The following PLXDC2 variants were observed in gnomAD, a reference collection of about 807,000 sequenced individuals.
PLXDC2 encodes the protein plexin domain containing 2.
Under a neutral mutation model 68.9 loss-of-function variants are expected in PLXDC2, and 40 were observed. The ratio of observed to expected loss-of-function variants is 0.58; its 90% CI spans 0.45 to 0.76. The LOEUF is 0.76. Ranked by LOEUF, PLXDC2 falls within the 30% of genes least tolerant of loss-of-function variation. The probability of loss-of-function intolerance (pLI) is 0.00; values close to 1 mark genes in which losing one functional copy is unlikely to be tolerated. For missense variants in PLXDC2, 644 were observed against 661.9 expected (o/e 0.97, Z 0.30); for synonymous variants, 243 against 234.2 (o/e 1.04, Z -0.34).
Position 20,007,469 on chromosome 10 carries a change from T to C in PLXDC2, c.324+5483T>C, listed in dbSNP as rs370635039. On this transcript the variant is annotated intron_variant, in intron 2 of 13. Transcript: ENST00000377252. ...ATATTTGGAAGTGTCCTATTTCCAC[T>C]CTTGGGACATTGAAAGTGTTTATTA... Among the ~76,000 whole-genome samples the C allele has an allele frequency of 1.2e-3, 179 of 152,328 alleles. 1 individual carries two copies. The highest frequency in any genetic ancestry group is 4.2e-3 in the African/African-American group (176 of 41,580).
chr10:19,934,831 A>C (rs978420605), intron 1 of PLXDC2, among the ~76,000 whole-genome samples: 1 of 152,198 alleles, frequency 6.6e-6, no homozygotes, highest in Admixed American at 6.5e-5. Context: ...TAGGGTCTTC[A>C]TCAAGACCTG....
chr10:20,190,460 G>T (rs918597924), intron 9 of PLXDC2, among the ~76,000 whole-genome samples: 1 of 151,876 alleles, frequency 6.6e-6, no homozygotes, highest in African/African-American at 2.4e-5. Context: ...CTCACAGTTG[G>T]TGGGGAGGGA....
At chr10:19,867,064 CT>C (rs61651939) in intron 1 of PLXDC2, among the ~76,000 whole-genome samples, 10,152 of 124,654 alleles carry the variant, frequency 0.081, 465 homozygotes, top group East Asian at 0.28. Context: ...TCCTTTCCCT[CT>C]TTTTTTTTTT....
intron 2 of PLXDC2, among the ~76,000 whole-genome samples, chr10:20,016,714 C>T (rs11011739): frequency 0.12 from 18,228 of 152,246 alleles, 1,263 homozygotes; most frequent in Admixed American, 0.18. Flanking sequence ...ATAACCTATG[C>T]TGATCAAAGC....
intron 12 of PLXDC2, among the ~76,000 whole-genome samples, chr10:20,231,269 A>G (rs61857170): frequency 0.18 from 26,418 of 149,728 alleles, 2,919 homozygotes; most frequent in Non-Finnish European, 0.25. Flanking sequence ...ATTGACAAAT[A>G]TATACAAATA....
intron 9 of PLXDC2, among the ~76,000 whole-genome samples, chr10:20,191,013 A>C (rs989066558): frequency 1.3e-4 from 20 of 151,984 alleles, no homozygotes; most frequent in African/African-American, 4.6e-4. Flanking sequence ...CTTACCCGTT[A>C]AGAAGACCTG....
intron 1 of PLXDC2, among the ~76,000 whole-genome samples, chr10:20,001,148 G>A (rs569775753): frequency 5.9e-5 from 9 of 152,264 alleles, no homozygotes; most frequent in African/African-American, 2.2e-4. Context: ...GGTGAGAACG[G>A]CACAGATGAA....
At chr10:20,038,707 C>A (rs964113296) in intron 2 of PLXDC2, among the ~76,000 whole-genome samples, 1 of 152,104 alleles carries the variant, frequency 6.6e-6, no homozygotes, top group Non-Finnish European at 1.5e-5. Flanking sequence ...TAATATAATT[C>A]TTTAGCAACC....
intron 1 of PLXDC2, among the ~76,000 whole-genome samples, chr10:19,854,892 ATG>A (rs1837185598): frequency 6.6e-6 from 1 of 152,222 alleles, no homozygotes; most frequent in African/African-American, 2.4e-5. Context: ...TGCGAGAAAA[ATG>A]TGTTATATTG....
chr10:20,017,744 T>G (rs1211137653), intron 2 of PLXDC2, among the ~76,000 whole-genome samples: 1 of 152,244 alleles, frequency 6.6e-6, no homozygotes, highest in Non-Finnish European at 1.5e-5. Context: ...GTTCCATATT[T>G]CTTTTTCATT....
At chr10:20,060,488 TAAAAAA>T (rs58942454) in intron 3 of PLXDC2, among the ~76,000 whole-genome samples, 43 of 139,052 alleles carry the variant, frequency 3.1e-4, no homozygotes, top group Admixed American at 4.3e-4. Context: ...CCTGGAATGT[TAAAAAA>T]AAAAAAAAAA....
chr10:20,018,947 G>C (rs528924309), intron 2 of PLXDC2, among the ~76,000 whole-genome samples: 32 of 152,162 alleles, frequency 2.1e-4, no homozygotes, highest in African/African-American at 7.7e-4. Context: ...CTGTAGATTT[G>C]AAGGGGAAAA....
rs556326794 is a variant in PLXDC2 at position 20,208,386 on chromosome 10, C to G, written c.1062-3283C>G. Among the ~76,000 whole-genome samples, 32 of 152,198 alleles carry G rather than the reference C, an allele frequency of 2.1e-4. No individual in the cohort carries two copies. The South Asian group carries it at 6.6e-3, about 32-fold the overall frequency. ...TATAAAGCCATCAGATCTTGTGAGA[C>G]TTATTTACTACCATGAGAACAGTAT... On this transcript the variant is annotated intron_variant, in intron 9 of 13. Transcript: ENST00000377252.
chr10:20,222,992 A>G (rs561444737), intron 12 of PLXDC2, among the ~76,000 whole-genome samples: 1 of 152,228 alleles, frequency 6.6e-6, no homozygotes, highest in Non-Finnish European at 1.5e-5. Context: ...AGGAGGAAGA[A>G]GAGGAGAAGG....
chr10:19,911,132 C>T (rs942075235), intron 1 of PLXDC2, among the ~76,000 whole-genome samples: 3 of 151,834 alleles, frequency 2.0e-5, no homozygotes, highest in African/African-American at 7.3e-5. Flanking sequence ...CAGGTATTAC[C>T]TGGTGTTAAC....
chr10:19,854,450 A>G (rs1358100553), intron 1 of PLXDC2, among the ~76,000 whole-genome samples: 1 of 152,158 alleles, frequency 6.6e-6, no homozygotes, highest in Non-Finnish European at 1.5e-5. Flanking sequence ...TGAGGTGGTC[A>G]CAACTTGAGG....
intron 2 of PLXDC2, among the ~76,000 whole-genome samples, chr10:20,029,008 G>A (rs1474024847): frequency 6.6e-6 from 1 of 152,108 alleles, no homozygotes; most frequent in Non-Finnish European, 1.5e-5. Flanking sequence ...TTTTGTTCTG[G>A]AGAGTTTCTG....
chr10:20,076,128 A>G (rs145712002), intron 4 of PLXDC2, among the ~76,000 whole-genome samples: 1 of 152,356 alleles, frequency 6.6e-6, no homozygotes, highest in African/African-American at 2.4e-5. Context: ...TAATAAAGTA[A>G]CAATATATGC....
intron 4 of PLXDC2, among the ~76,000 whole-genome samples, chr10:20,068,457 C>G (rs1165271626): frequency 2.0e-5 from 3 of 151,828 alleles, no homozygotes; most frequent in African/African-American, 7.3e-5. Flanking sequence ...CAACCTAGAT[C>G]ACCTCTGCTT....
Sources: gnomAD v4.1 joint callset for allele counts (sites outside exome capture counted in the v4.1 genomes callset) on GRCh38, gnomAD v4.1.1 for gene constraint, MANE v1.5 for transcripts, NCBI Gene and HGNC (gene_info 2026-07-23, HGNC 2026-07-21) for gene names.